PDE10A: variants seen among roughly 807,000 people sequenced by gnomAD.
PDE10A encodes phosphodiesterase 10A, also known as cAMP and cAMP-inhibited cGMP 3',5'-cyclic phosphodiesterase 10A.
PDE10A carries 39 observed loss-of-function variants against 97.7 expected under a neutral mutation model. That is an observed-to-expected ratio of 0.40 (90% CI 0.31 to 0.52). The LOEUF is 0.52. Ranked by LOEUF, PDE10A falls within the 20% of genes least tolerant of loss-of-function variation. The pLI, the probability that PDE10A is intolerant of heterozygous loss-of-function variation, is 0.56. For synonymous variants in PDE10A, 371 were observed against 376.8 expected, an observed-to-expected ratio of 0.98 and a Z score of 0.18; for missense variants, 731 against 1,047.8, an observed-to-expected ratio of 0.70 and a Z score of 4.17.
intron 1 of PDE10A, among the ~76,000 whole-genome samples, chr6:165,898,862 G>A (rs112372803): frequency 2.6e-5 from 4 of 152,250 alleles, no homozygotes; most frequent in South Asian, 2.1e-4. Flanking sequence ...CTGTCCCTAC[G>A]GCAGCCTCAG....
At chr6:165,770,056 A>G (rs915181308) in intron 1 of PDE10A, among the ~76,000 whole-genome samples, 1 of 152,204 alleles carries the variant, frequency 6.6e-6, no homozygotes, top group South Asian at 2.1e-4. Flanking sequence ...GCTCTGCTCT[A>G]AGAAAAGTCC....
chr6:165,891,181 C>T (rs1301512447), intron 1 of PDE10A, among the ~76,000 whole-genome samples: 2 of 152,306 alleles, frequency 1.3e-5, no homozygotes, highest in South Asian at 4.1e-4. Flanking sequence ...CCTTTCCAAA[C>T]ATCTGGAAAG....
chr6:165,752,129 C>CAAAAAAA (rs58229023), intron 1 of PDE10A, among the ~76,000 whole-genome samples: 5 of 66,348 alleles, frequency 7.5e-5, no homozygotes, highest in Middle Eastern at 0.019. Context: ...GGCAACAGAG[C>CAAAAAAA]AAAAAAAAAA....
intron 18 of PDE10A, among the ~76,000 whole-genome samples, chr6:165,350,965 T>C (rs1410658995): frequency 6.6e-6 from 1 of 152,202 alleles, no homozygotes; most frequent in Non-Finnish European, 1.5e-5. Context: ...GTCTCGGCTA[T>C]GTCTTTATTA....
intron 18 of PDE10A, among the ~76,000 whole-genome samples, chr6:165,370,453 A>T (rs1168714933): frequency 2.0e-5 from 3 of 149,796 alleles, no homozygotes; most frequent in Non-Finnish European, 4.5e-5. Context: ...AACAGACTTT[A>T]AACCAACAAA....
chr6:165,833,578 GGCAGT>G (rs1779985982), intron 1 of PDE10A, among the ~76,000 whole-genome samples: 1 of 152,258 alleles, frequency 6.6e-6, no homozygotes, highest in Non-Finnish European at 1.5e-5. Flanking sequence ...TGGAGGAGCA[GGCAGT>G]GCCCCAGAGC....
chr6:165,743,718 C>T (rs1792781545), intron 1 of PDE10A, among the ~76,000 whole-genome samples: 1 of 152,330 alleles, frequency 6.6e-6, no homozygotes, highest in South Asian at 2.1e-4. Context: ...GATTCATGTA[C>T]TGCATTAGCA....
At chr6:165,937,401 G>A (rs1409669724) in intron 1 of PDE10A, among the ~76,000 whole-genome samples, 1 of 152,096 alleles carries the variant, frequency 6.6e-6, no homozygotes, top group East Asian at 1.9e-4. Flanking sequence ...TCAGTGAATG[G>A]TGAGATTTTC....
chr6:165,957,717 T>C (rs1020718608), intron 1 of PDE10A, among the ~76,000 whole-genome samples: 1 of 152,142 alleles, frequency 6.6e-6, no homozygotes, highest in African/African-American at 2.4e-5. Context: ...ACAAAATATG[T>C]CCCAAGTGTA....
At chr6:165,892,566 C>T (rs759696050) in intron 1 of PDE10A, among the ~76,000 whole-genome samples, 4 of 152,322 alleles carry the variant, frequency 2.6e-5, no homozygotes, top group East Asian at 1.9e-4. Flanking sequence ...TGGGTGCATG[C>T]GCTCTCCTTG....
intron 2 of PDE10A, among the ~76,000 whole-genome samples, chr6:165,530,169 G>A (rs1782685190): frequency 6.6e-6 from 1 of 151,898 alleles, no homozygotes; most frequent in Non-Finnish European, 1.5e-5. Flanking sequence ...TTCAGTTTTG[G>A]GACTCAGACT....
At chr6:165,734,104 G>A (rs1188628919) in intron 1 of PDE10A, among the ~76,000 whole-genome samples, 1 of 152,214 alleles carries the variant, frequency 6.6e-6, no homozygotes, top group Non-Finnish European at 1.5e-5. Flanking sequence ...GGACCCATCT[G>A]CTGGAAGAGA....
intron 1 of PDE10A, among the ~76,000 whole-genome samples, chr6:165,610,168 C>A (rs1787422161): frequency 6.6e-6 from 1 of 152,090 alleles, no homozygotes. Flanking sequence ...GAGACATAGA[C>A]CAATGGAACA....
chr6:165,729,370 A>G lies in PDE10A; in HGVS notation c.-614-185802T>C, dbSNP rs1583003823. Among the ~76,000 whole-genome samples the G allele has an allele frequency of 3.3e-5, 5 of 152,304 alleles. No homozygotes were observed. The East Asian group carries it at 9.6e-4, about 29-fold the overall frequency. On this transcript the variant is annotated intron_variant, in intron 1 of 19. Transcript: ENST00000366882. ...ACAGATTAAACATTTTTTGAATAAA[A>G]ATATTTGGATAAATTACTTGAAGCA... is the stretch of plus-strand genomic sequence containing the variant.
intron 5 of PDE10A, among the ~76,000 whole-genome samples, chr6:165,445,035 C>A (rs1583297924): frequency 1.3e-5 from 2 of 152,018 alleles, no homozygotes; most frequent in South Asian, 2.1e-4. Context: ...TGCTATGATT[C>A]CAAATCGAGA....
At chr6:165,530,749 A>C (rs1188364553) in intron 2 of PDE10A, among the ~76,000 whole-genome samples, 4 of 152,232 alleles carry the variant, frequency 2.6e-5, no homozygotes, top group Admixed American at 2.6e-4. Context: ...CTGCATTAAG[A>C]TATGTTTAAG....
At chr6:165,958,561 GAAAGACAGACAGAAAGAAAGACA>G (rs1488736114) in intron 1 of PDE10A, among the ~76,000 whole-genome samples, 1 of 13,296 alleles carries the variant, frequency 7.5e-5, no homozygotes, top group African/African-American at 2.6e-4. Context: ...AAGAAAGAAA[GAAAGACAGACAGAAAGAAAGACA>G]GAAAGAGAGA....
intron 1 of PDE10A, among the ~76,000 whole-genome samples, chr6:165,837,886 C>G (rs1051379713): frequency 1.3e-5 from 2 of 152,002 alleles, no homozygotes; most frequent in Non-Finnish European, 2.9e-5. Flanking sequence ...AGGGTTTCAC[C>G]GTGTTAGCCA....
chr6:165,465,378 C>T (rs1778579434), intron 3 of PDE10A, among the ~76,000 whole-genome samples: 1 of 152,170 alleles, frequency 6.6e-6, no homozygotes, highest in Non-Finnish European at 1.5e-5. Context: ...TAGATATTCA[C>T]CCTGAGTCTA....
Sources: gnomAD v4.1 joint callset for allele counts (sites outside exome capture counted in the v4.1 genomes callset) on GRCh38, gnomAD v4.1.1 for gene constraint, MANE v1.5 for transcripts, NCBI Gene and HGNC (gene_info 2026-07-23, HGNC 2026-07-21) for gene names.